The following ITGA9 variants were observed in gnomAD, a reference collection of about 807,000 sequenced individuals.
ITGA9 encodes the protein integrin alpha-9.
In ITGA9, 56 loss-of-function variants were observed where a neutral mutation model predicts 127.8. The observed-to-expected ratio is 0.44, with a 90% confidence interval of 0.35 to 0.55. The LOEUF is 0.55. Among genes scored for constraint, ITGA9 ranks in the 20% least tolerant of loss-of-function variants. ITGA9 has a pLI of 0.00. For synonymous variants in ITGA9, 508 were observed against 514.5 expected (o/e 0.99, Z 0.17); for missense variants, 1,196 against 1,347.1 (o/e 0.89, Z 1.76).
intron 14 of ITGA9, among the ~76,000 whole-genome samples, chr3:37,540,269 C>T (rs1699252277): frequency 6.6e-6 from 1 of 152,218 alleles, no homozygotes; most frequent in African/African-American, 2.4e-5. Flanking sequence ...TCAGCAGCTG[C>T]CTCCACCACA....
At position 37,785,070 on chromosome 3, in the gene ITGA9, G is replaced by C. The variant is rs1221431581; in HGVS notation, c.2881G>C (p.Glu961Gln). Residue 961 changes from glutamate to glutamine, a missense_variant, in exon 26 of 28, where the codon GAG (glutamate) becomes CAG (glutamine). By Grantham distance (29) the Glu-to-Gln change is conservative. Coordinates refer to ENST00000264741, the MANE Select transcript of ITGA9 (RefSeq NM_002207.3). ...GGAAATAGCTCATGGGAACCCAGAA[G>C]AGGTGACGGTGAGTCAGCCACCCCA... is the stretch of plus-strand genomic sequence containing the variant. ...VVEIAHGNPE[E>Q]VTVVFEALHN... 1 of 1,613,250 alleles carries C rather than the reference G, an allele frequency of 6.2e-7. No homozygotes were observed. The highest frequency in any genetic ancestry group is 8.5e-7 in the Non-Finnish European group (1 of 1,179,174).
intron 15 of ITGA9, among the ~76,000 whole-genome samples, chr3:37,570,021 C>T (rs1699585309): frequency 6.6e-6 from 1 of 152,276 alleles, no homozygotes; most frequent in Non-Finnish European, 1.5e-5. Flanking sequence ...AGGTTTTAAA[C>T]TATCTGAAGA....
Position 37,505,989 on chromosome 3 carries a change from A to T in ITGA9, c.743-11A>T. 4 of 1,593,496 alleles carry T rather than the reference A, an allele frequency of 2.5e-6. No individual in the cohort carries two copies. On this transcript the variant is annotated splice_polypyrimidine_tract_variant and intron_variant, in intron 6 of 27. Transcript: ENST00000264741. The stretch of plus-strand genomic sequence containing the variant: ...TCAACCGTGTGCTTGGTTTCCGCCC[A>T]TCCTGTTCAGGCTACGCAGTGACCG...
At chr3:37,740,769 T>G (rs185545215) in intron 20 of ITGA9, among the ~76,000 whole-genome samples, 2 of 152,220 alleles carry the variant, frequency 1.3e-5, no homozygotes, top group Non-Finnish European at 2.9e-5. Flanking sequence ...AATTCCCTCA[T>G]GTTCACCTTT....
chr3:37,769,861 C>T (rs779415275), intron 23 of ITGA9, among the ~76,000 whole-genome samples: 1 of 152,060 alleles, frequency 6.6e-6, no homozygotes, highest in African/African-American at 2.4e-5. Context: ...TGAGGGGCTG[C>T]GAATGGATAA....
chr3:37,728,207 C>T (rs987961575), intron 18 of ITGA9, among the ~76,000 whole-genome samples: 1 of 152,120 alleles, frequency 6.6e-6, no homozygotes, highest in African/African-American at 2.4e-5. Context: ...ACAGAAGAAG[C>T]CTGGTCCCTG....
At chr3:37,621,576 A>G (rs530245213) in intron 15 of ITGA9, among the ~76,000 whole-genome samples, 19 of 152,322 alleles carry the variant, frequency 1.2e-4, no homozygotes, top group Admixed American at 4.6e-4. Context: ...CCCGACACAC[A>G]CACAGACTTT....
intron 23 of ITGA9, chr3:37,753,601 G>C (rs1488612715): frequency 2.0e-5 from 3 of 152,256 alleles, no homozygotes; most frequent in Non-Finnish European, 4.4e-5. Context: ...ATAGGCAAGA[G>C]TAAGTGTTCC....
chr3:37,512,124 CTTTTCTTTT>C (rs1698930122), intron 8 of ITGA9, among the ~76,000 whole-genome samples: 1 of 15,316 alleles, frequency 6.5e-5, no homozygotes, highest in Non-Finnish European at 1.3e-4. Context: ...TTCCTTCTTT[CTTTTCTTTT>C]CTTTTCTTTT....
At chr3:37,572,173 T>C (rs1271262818) in intron 15 of ITGA9, among the ~76,000 whole-genome samples, 2 of 152,074 alleles carry the variant, frequency 1.3e-5, no homozygotes, top group Non-Finnish European at 2.9e-5. Flanking sequence ...ACACCAAGTG[T>C]GTTAGAGACA....
chr3:37,807,152 G>T (rs1451936067), intron 27 of ITGA9: 2 of 152,228 alleles, frequency 1.3e-5, no homozygotes, highest in Admixed American at 1.3e-4. Flanking sequence ...CAGCAATCCT[G>T]ACTCTCACAC....
intron 18 of ITGA9, among the ~76,000 whole-genome samples, chr3:37,685,803 C>G (rs1700777097): frequency 6.6e-6 from 1 of 152,170 alleles, no homozygotes; most frequent in African/African-American, 2.4e-5. Context: ...AGGCTTCATT[C>G]TCTTTATTGG....
At chr3:37,496,175 T>A (rs985820111) in intron 5 of ITGA9, among the ~76,000 whole-genome samples, 1 of 152,224 alleles carries the variant, frequency 6.6e-6, no homozygotes, top group South Asian at 2.1e-4. Flanking sequence ...ATATAGTGTC[T>A]GATCCAGAAA....
chr3:37,776,870 C>T lies in ITGA9; in HGVS notation c.2542-522C>T, dbSNP rs576404508. On this transcript the variant is annotated intron_variant, in intron 23 of 27. Transcript: ENST00000264741. ...GAGCAGTCCTGCTTGCTGCTCATTC[C>T]CTTTCTCTAGAAGGACCCCTAAGGA... Among the ~76,000 whole-genome samples the T allele has an allele frequency of 2.6e-5, 4 of 152,282 alleles. No individual in the cohort carries two copies. In the South Asian group the frequency reaches 8.3e-4, roughly 32 times the overall value.
chr3:37,509,110 C>T (rs968511642), intron 8 of ITGA9, among the ~76,000 whole-genome samples: 1 of 152,112 alleles, frequency 6.6e-6, no homozygotes, highest in African/African-American at 2.4e-5. Context: ...AAAGAAAATC[C>T]AAACACAGGT....
intron 5 of ITGA9, among the ~76,000 whole-genome samples, chr3:37,499,992 T>C (rs748930050): frequency 1.3e-5 from 2 of 152,152 alleles, no homozygotes; most frequent in Non-Finnish European, 2.9e-5. Context: ...GCTCAAAGCT[T>C]TGGCCTGTGC....
intron 15 of ITGA9, among the ~76,000 whole-genome samples, chr3:37,561,574 GGTTTCTAGAGCCCAA>G (rs1461807487): frequency 6.6e-6 from 1 of 152,136 alleles, no homozygotes; most frequent in African/African-American, 2.4e-5. Context: ...CCTAAACTGG[GGTTTCTAGAGCCCAA>G]GCTCCATTAG....
Position 37,503,064 on chromosome 3 carries a change from A to G in ITGA9, c.613-114A>G, listed in dbSNP as rs1698804388. The G allele has an allele frequency of 1.0e-5, 13 of 1,261,480 alleles. No individual in the cohort carries two copies. In the South Asian group the frequency reaches 1.6e-4, roughly 16 times the overall value. 78.1% of individuals were successfully genotyped at this position (1,261,480 alleles called of 1,614,324 possible). A position where few individuals can be genotyped will look rare whatever the true frequency, so the allele number is the denominator to read the frequency against. Reference sequence around the variant, plus strand: ...TGTTTTTGTTGCTTAGCTGGGGAAAAAAAAGTTCTTGGTGTGAGGAATTTC... The same window carrying G: ...TGTTTTTGTTGCTTAGCTGGGGAAAGAAAAGTTCTTGGTGTGAGGAATTTC... On this transcript the variant is annotated intron_variant, in intron 5 of 27. Coordinates refer to ENST00000264741, the MANE Select transcript of ITGA9 (RefSeq NM_002207.3).
chr3:37,710,727 G>GT (rs2125678410), intron 18 of ITGA9, among the ~76,000 whole-genome samples: 1 of 152,338 alleles, frequency 6.6e-6, no homozygotes, highest in South Asian at 2.1e-4. Context: ...GCCCCAGGCA[G>GT]TTAAGATGCA....
Sources: gnomAD v4.1 joint callset for allele counts (sites outside exome capture counted in the v4.1 genomes callset) on GRCh38, gnomAD v4.1.1 for gene constraint, MANE v1.5 for transcripts, NCBI Gene and HGNC (gene_info 2026-07-23, HGNC 2026-07-21) for gene names.